The following ZNF536 variants were observed in gnomAD, a reference collection of about 807,000 sequenced individuals.
ZNF536 encodes the protein zinc finger protein 536.
Under a neutral mutation model 84.5 loss-of-function variants are expected in ZNF536, and 13 were observed. That is an observed-to-expected ratio of 0.15 (90% CI 0.10 to 0.24). The LOEUF (loss-of-function observed/expected upper bound fraction) is 0.24, where lower values mean the gene tolerates loss of function less well. ZNF536 is among the 10% of genes least tolerant of loss of function. ZNF536 has a pLI of 1.00. For synonymous variants in ZNF536, 811 were observed against 742.5 expected (o/e 1.09, Z -1.50); for missense variants, 1,536 against 1,747.5 (o/e 0.88, Z 2.16).
At position 30,262,978 on chromosome 19, in the gene ZNF536, G is replaced by A. The variant is rs377315911; in HGVS notation, c.-189-21094G>A. 3.3e-4 allele frequency among the ~76,000 whole-genome samples: 51 copies of A among 152,314 alleles called. 1 individual carries two copies. Among genetic ancestry groups the A allele is most frequent in the African/African-American group, 1.1e-3 (46 of 41,574 alleles). On this transcript the variant is annotated intron_variant, in intron 1 of 5. Coordinates refer to the ZNF536 transcript ENST00000585628. ...GCAGGGGTGCTAGAGCACCAAGCCCGTCAGGTGTGGGTGCTCAGGGACAGG... is the reference window on the plus strand; with the variant it reads ...GCAGGGGTGCTAGAGCACCAAGCCCATCAGGTGTGGGTGCTCAGGGACAGG...
chr19:30,491,829 CCTTTT>C (rs1186836928), intron 2 of ZNF536, among the ~76,000 whole-genome samples: 1 of 150,012 alleles, frequency 6.7e-6, no homozygotes, highest in Non-Finnish European at 1.5e-5. Flanking sequence ...CTTTTCCTTT[CCTTTT>C]CTTTTTTTTT....
intron 1 of ZNF536, among the ~76,000 whole-genome samples, chr19:30,439,840 C>A (rs2051933702): frequency 1.3e-5 from 2 of 152,112 alleles, no homozygotes; most frequent in Admixed American, 6.5e-5. Flanking sequence ...AGCAACTGGG[C>A]CATCAGGGGT....
intron 3 of ZNF536, among the ~76,000 whole-genome samples, chr19:30,357,095 T>C (rs1343278393): frequency 6.6e-6 from 1 of 152,150 alleles, no homozygotes; most frequent in Non-Finnish European, 1.5e-5. Context: ...AGGAAACCAG[T>C]GGATATGATG....
chr19:30,702,009 C>T (rs1409381280), intron 1 of ZNF536, among the ~76,000 whole-genome samples: 5 of 152,182 alleles, frequency 3.3e-5, no homozygotes, highest in South Asian at 2.1e-4. Context: ...TACCCTCTGT[C>T]CCACACTTGA....
chr19:30,350,528 G>A (rs1287475284), intron 2 of ZNF536, among the ~76,000 whole-genome samples: 1 of 152,178 alleles, frequency 6.6e-6, no homozygotes, highest in Non-Finnish European at 1.5e-5. Context: ...GGTGGGGAAT[G>A]GGGTAATAAA....
chr19:30,377,165 A>T lies in ZNF536; in HGVS notation c.-3+4609A>T, dbSNP rs530293793. Among the ~76,000 whole-genome samples, 21 of 152,210 alleles carry T rather than the reference A, an allele frequency of 1.4e-4. No homozygotes were observed. In the East Asian group the frequency reaches 4.1e-3, roughly 29 times the overall value. ...AACTGTCTCCAGACTTGCCCACTAG[A>T]CTGAAGGCCTCATGAGGGCAGGAGC... On this transcript the variant is annotated intron_variant, in intron 1 of 4. Coordinates refer to ENST00000355537, the MANE Select transcript of ZNF536 (RefSeq NM_014717.3).
At chr19:30,558,855 C>T (rs1320598261), downstream of ZNF536, among the ~76,000 whole-genome samples, 1 of 145,502 alleles carries the variant, frequency 6.9e-6, no homozygotes, top group Admixed American at 6.7e-5. Context: ...AGGACACAAT[C>T]TCATAGGACA....
At chr19:30,459,174 A>C (rs915830685) in intron 2 of ZNF536, among the ~76,000 whole-genome samples, 1 of 152,062 alleles carries the variant, frequency 6.6e-6, no homozygotes, top group Non-Finnish European at 1.5e-5. Flanking sequence ...ATACAAACAC[A>C]AACAGGTGAA....
chr19:30,549,573 G>C (rs971497853), intron 4 of ZNF536, 59 bp downstream of exon 4: 6 of 1,419,934 alleles, frequency 4.2e-6, no homozygotes, highest in Admixed American at 5.4e-5. Context: ...GCTGAATTGT[G>C]CATTTAAAAA....
intron 2 of ZNF536, among the ~76,000 whole-genome samples, chr19:30,532,427 G>T (rs1166233075): frequency 1.3e-5 from 2 of 152,062 alleles, no homozygotes; most frequent in Non-Finnish European, 2.9e-5. Context: ...CACCATGCCC[G>T]GCCCAATAAT....
intron 1 of ZNF536, among the ~76,000 whole-genome samples, chr19:30,254,792 A>G (rs1234041545): frequency 6.6e-6 from 1 of 152,216 alleles, no homozygotes; most frequent in Non-Finnish European, 1.5e-5. Flanking sequence ...GTGACTAGAT[A>G]AAGCCTGATC....
intron 2 of ZNF536, among the ~76,000 whole-genome samples, chr19:30,504,164 A>G (rs1204705427): frequency 1.3e-5 from 2 of 152,164 alleles, no homozygotes; most frequent in Admixed American, 1.3e-4. Context: ...TTGTACACAC[A>G]TTCTCTCTTC....
In ZNF536 at chr19:30,548,578, C is replaced by T. The variant is rs1248853592; in HGVS notation, c.2959C>T (p.Leu987Phe). Residue 987 changes from leucine (L) to phenylalanine (F), a missense_variant, in exon 4 of 5, where the codon CTC (leucine) becomes TTC (phenylalanine). Coordinates refer to ENST00000355537, the MANE Select transcript of ZNF536 (RefSeq NM_014717.3). ...GTCTGTGCGGCCAGATGCCGCCTCC[C>T]TCCCGGGCTCCTCGGTAACTGTGCA... ...DLSVRPDAAS[L>F]PGSSVTVQDS... 8.1e-6 allele frequency: 13 copies of T among 1,614,080 alleles called. No individual in the cohort carries two copies. Among genetic ancestry groups the T allele is most frequent in the Non-Finnish European group, 1.1e-5 (13 of 1,180,054 alleles).
At chr19:30,574,470 C>G (rs2046659546) in intron 1 of ZNF536, among the ~76,000 whole-genome samples, 1 of 152,250 alleles carries the variant, frequency 6.6e-6, no homozygotes, top group Non-Finnish European at 1.5e-5. Flanking sequence ...AGGTGCTCAA[C>G]TGATGCTAAC....
At chr19:30,589,189 A>ATC (rs1441403530) in intron 1 of ZNF536, among the ~76,000 whole-genome samples, 1 of 152,198 alleles carries the variant, frequency 6.6e-6, no homozygotes. Context: ...GGTTACCACC[A>ATC]TCTGTATTTG....
rs758343968 is a variant in ZNF536, at chr19:30,296,551, G to C, written c.-120+12410G>C. Among the ~76,000 whole-genome samples, 18 of 152,316 alleles carry C rather than the reference G, an allele frequency of 1.2e-4. No individual in the cohort carries two copies. The South Asian group carries it at 1.4e-3, about 12-fold the overall frequency. On this transcript the variant is annotated intron_variant, in intron 2 of 5. Transcript: ENST00000585628. The stretch of plus-strand genomic sequence containing the variant: ...ATTCTGTGAACTAGCCGGGGTGAAG[G>C]GTGGGTGGATCTCTCCAGGGCTCAG...
At chr19:30,627,502 A>AAAAAAAAAAAAAAAC (rs1451285095) in intron 1 of ZNF536, among the ~76,000 whole-genome samples, 1 of 141,242 alleles carries the variant, frequency 7.1e-6, no homozygotes, top group African/African-American at 2.6e-5. Context: ...AAAAAAAAAA[A>AAAAAAAAAAAAAAAC]AGGCTTTCTA....
At position 30,444,266 on chromosome 19, in the gene ZNF536, T is replaced by C. The variant is rs1263190359; in HGVS notation, c.704T>C (p.Leu235Pro). ...KPPPHAQQAP[L>P]AACTLALQAN... ...CCGCCGCACGCCCAGCAGGCCCCGCTGGCCGCCTGCACCCTGGCCCTGCAG... is the reference window on the plus strand; with the variant it reads ...CCGCCGCACGCCCAGCAGGCCCCGCCGGCCGCCTGCACCCTGGCCCTGCAG... Residue 235 changes from leucine to proline, a missense_variant, in exon 2 of 5, where the codon CTG (leucine) becomes CCG (proline). Physicochemically the swap from Leu to Pro is moderately conservative, Grantham distance 98. Around this residue, in one of 8 missense-constraint regions of ZNF536, gnomAD observed 138 missense variants for 136.8 expected, o/e 1.01. Transcript: ENST00000355537. 39 of 1,555,892 alleles carry C rather than the reference T, an allele frequency of 2.5e-5. No individual in the cohort carries two copies. Among genetic ancestry groups the C allele is most frequent in the Non-Finnish European group, 3.3e-5 (38 of 1,158,166 alleles).
At chr19:30,544,662 G>T (rs1376373640) in intron 3 of ZNF536, among the ~76,000 whole-genome samples, 1 of 152,138 alleles carries the variant, frequency 6.6e-6, no homozygotes, top group Non-Finnish European at 1.5e-5. Context: ...CAAGAAGGGA[G>T]GTTTCAGGTG....
Sources: gnomAD v4.1 joint callset for allele counts (sites outside exome capture counted in the v4.1 genomes callset) on GRCh38, gnomAD v4.1.1 for gene constraint, gnomAD v4.1.1 regional missense constraint, MANE v1.5 for transcripts, NCBI Gene and HGNC (gene_info 2026-07-23, HGNC 2026-07-21) for gene names.